EXOG: variants seen among roughly 807,000 people sequenced by gnomAD.
EXOG encodes nuclease EXOG, mitochondrial.
A neutral mutation model predicts 25.8 loss-of-function variants in EXOG; 27 were observed. That is an observed-to-expected ratio of 1.05 (90% CI 0.77 to 1.45). The LOEUF is 1.45. EXOG is among the 40% of genes most tolerant of loss of function. The pLI, the probability that EXOG is intolerant of heterozygous loss-of-function variation, is 0.00. For missense variants in EXOG, 458 were observed against 450.5 expected (o/e 1.02, Z -0.15); for synonymous variants, 133 against 167.0 (o/e 0.80, Z 1.57).
chr3:38,500,491 A>T (rs1229713996), intron 2 of EXOG, among the ~76,000 whole-genome samples: 4 of 152,216 alleles, frequency 2.6e-5, no homozygotes, highest in Non-Finnish European at 4.4e-5. Flanking sequence ...TGATTCTAAA[A>T]AGCTACATAT....
At chr3:38,505,447 A>G (rs1022369595) in intron 4 of EXOG, 1 of 152,110 alleles carries the variant, frequency 6.6e-6, no homozygotes, top group African/African-American at 2.4e-5. Context: ...GGACATATAT[A>G]TACACCCTAT....
In EXOG at chr3:38,524,068, C is replaced by T; in HGVS notation, c.813C>T (p.Asp271=). ...CTGAATTCCAAGTGAGCCTCCAGGACCTAGAGAAGTTGTCAGGACTGGTGT... is the reference window on the plus strand; with the variant it reads ...CTGAATTCCAAGTGAGCCTCCAGGATCTAGAGAAGTTGTCAGGACTGGTGT... The part of the protein sequence containing the change: ...QLTEFQVSLQ[D]LEKLSGLVFF... Residue 271 remains aspartate, a synonymous_variant, in exon 6 of 6, where the codon GAC becomes GAT. Coordinates refer to ENST00000287675, the MANE Select transcript of EXOG (RefSeq NM_005107.4). 6.2e-7 allele frequency: 1 copy of T among 1,614,122 alleles called. No individual in the cohort carries two copies. Among genetic ancestry groups the T allele is most frequent in the Non-Finnish European group, 8.5e-7 (1 of 1,180,018 alleles).
At chr3:38,511,159 C>T (rs1316640585) in intron 5 of EXOG, among the ~76,000 whole-genome samples, 1 of 152,218 alleles carries the variant, frequency 6.6e-6, no homozygotes, top group Admixed American at 6.5e-5. Context: ...CTGTATTTCA[C>T]ATCCTGGCAG....
At chr3:38,511,675 G>C (rs1441663614) in intron 5 of EXOG, among the ~76,000 whole-genome samples, 1 of 152,200 alleles carries the variant, frequency 6.6e-6, no homozygotes, top group Non-Finnish European at 1.5e-5. Flanking sequence ...GCAATAGTAG[G>C]AAAGGCAGGG....
intron 5 of EXOG, among the ~76,000 whole-genome samples, chr3:38,513,478 A>G (rs997839810): frequency 3.3e-5 from 5 of 152,254 alleles, no homozygotes; most frequent in African/African-American, 7.2e-5. Context: ...CACTTGAGAG[A>G]GAAATATTAC....
Position 38,525,025 on chromosome 3 carries a change from C to CT in EXOG, c.*669dup. On this transcript the variant is annotated 3_prime_UTR_variant, in exon 6 of 6. Transcript: ENST00000287675. ...GTCCACATGCACTATATATTTGTTT[C>CT]TTTTTTCTCCTCTCATGAATCTGCT... The CT allele has an allele frequency of 3.0e-6, 3 of 985,372 alleles. No individual in the cohort carries two copies. Among genetic ancestry groups the CT allele is most frequent in the Non-Finnish European group, 3.6e-6 (3 of 829,900 alleles). 61.0% of individuals were successfully genotyped at this position (985,372 alleles called of 1,614,324 possible).
intron 5 of EXOG, among the ~76,000 whole-genome samples, chr3:38,508,730 A>C (rs963118487): frequency 1.9e-4 from 28 of 145,840 alleles, no homozygotes; most frequent in Admixed American, 2.7e-4. Flanking sequence ...CCAAAAAAAA[A>C]CCAAAACTTT....
intron 5 of EXOG, among the ~76,000 whole-genome samples, chr3:38,517,582 T>G (rs1380852906): frequency 1.3e-5 from 2 of 152,258 alleles, no homozygotes; most frequent in Admixed American, 1.3e-4. Context: ...TCACCACATT[T>G]ATTTTTAGCC....
intron 5 of EXOG, among the ~76,000 whole-genome samples, chr3:38,517,329 A>G (rs2060576421): frequency 1.3e-5 from 2 of 152,230 alleles, no homozygotes; most frequent in Non-Finnish European, 2.9e-5. Context: ...AAATTGCCCC[A>G]GATTTAGCCA....
At chr3:38,497,130 A>T (rs1170686386) in intron 1 of EXOG, 12 of 1,002,296 alleles carry the variant, frequency 1.2e-5, no homozygotes, top group Non-Finnish European at 1.3e-5. Context: ...CGGATGTGCT[A>T]ATTTAACTTG....
At position 38,496,539 on chromosome 3, in the gene EXOG, G is replaced by C. The variant is rs1227915777; in HGVS notation, c.163+9G>C. ...AGGGAAGCAGCCGGATGGTAAGTCT[G>C]TGGGCCCGTCCTCCCTTCGCTGGCC... is the stretch of plus-strand genomic sequence containing the variant. On this transcript the variant is annotated intron_variant, in intron 1 of 5. Transcript: ENST00000287675. 1 of 1,607,112 alleles carries C rather than the reference G, an allele frequency of 6.2e-7. No homozygotes were observed. The highest frequency in any genetic ancestry group is 2.2e-5 in the East Asian group (1 of 44,840).
At chr3:38,503,939 G>T (rs1033940782) in intron 4 of EXOG, among the ~76,000 whole-genome samples, 6 of 152,156 alleles carry the variant, frequency 3.9e-5, no homozygotes, top group African/African-American at 1.2e-4. Context: ...AGTTTTGAAA[G>T]AAATGACTCA....
chr3:38,524,291 C>A lies in EXOG; in HGVS notation c.1036C>A (p.Arg346Ser). The A allele has an allele frequency of 6.2e-7, 1 of 1,613,928 alleles. No individual in the cohort carries two copies. Among genetic ancestry groups the A allele is most frequent in the South Asian group, 1.1e-5 (1 of 91,010 alleles). Residue 346 changes from arginine (R) to serine (S), a missense_variant, in exon 6 of 6, where the codon CGC becomes AGC. By Grantham distance (110) the Arg-to-Ser change is moderately radical (BLOSUM62 -1). Around this residue, in one of 3 missense-constraint regions of EXOG, gnomAD observed 178 missense variants for 203.7 expected, o/e 0.87. Transcript: ENST00000287675. ...TGAACCAGATGATTACTTTATGAGT[C>A]GCTATGAGAAGAAGCTAGAAGAACT... ...EIEPDDYFMS[R>S]YEKKLEELKA...
chr3:38,509,659 AG>A (rs2125775047), intron 5 of EXOG, among the ~76,000 whole-genome samples: 1 of 152,356 alleles, frequency 6.6e-6, no homozygotes, highest in Admixed American at 6.5e-5. Context: ...AAGCCAAGGA[AG>A]TGCTCAGACA....
chr3:38,497,778 G>T lies in EXOG; in HGVS notation c.313G>T (p.Gly105Cys). ...LEHISKSKIMGDADRKHCKFK... is the reference protein window; with the variant it reads ...LEHISKSKIMCDADRKHCKFK... ...ACATATTTCCAAAAGCAAGATAATG[G>T]GTAGGTGGTTGGATAAAAAAACTGA... Residue 105 changes from glycine to cysteine, a missense_variant and splice_region_variant, in exon 2 of 6, where the codon GGT (glycine) becomes TGT (cysteine). This residue lies in a region of EXOG where 275 missense variants were observed against 230.5 expected (regional missense o/e 1.19). Transcript: ENST00000287675. 6.3e-7 allele frequency: 1 copy of T among 1,590,212 alleles called. No homozygotes were observed. Among genetic ancestry groups the T allele is most frequent in the East Asian group, 2.2e-5 (1 of 44,468 alleles).
chr3:38,496,447 G>T lies in EXOG; in HGVS notation c.80G>T (p.Gly27Val). ...LSGFVAGAVV[G>V]AAGAGLAALQ... ...GGCTTCGTGGCTGGGGCTGTAGTGG[G>T]CGCTGCGGGAGCTGGGCTCGCGGCC... The change falls in exon 1 of 6, where the codon GGC becomes GTC. Residue 27 changes from glycine to valine, a missense_variant. Physicochemically the swap from Gly to Val is moderately radical, Grantham distance 109. Around this residue, in one of 3 missense-constraint regions of EXOG, gnomAD observed 275 missense variants for 230.5 expected, o/e 1.19. Coordinates refer to ENST00000287675, the MANE Select transcript of EXOG (RefSeq NM_005107.4). 6.2e-7 allele frequency: 1 copy of T among 1,614,142 alleles called. No individual in the cohort carries two copies. The highest frequency in any genetic ancestry group is 8.5e-7 in the Non-Finnish European group (1 of 1,180,024).
chr3:38,524,593 C>A lies in EXOG; in HGVS notation c.*231C>A. ...GCCTCTGCCCCCTGAGCAGCTGGGA[C>A]TACAGGCACACACCATCACCCTCAG... On this transcript the variant is annotated 3_prime_UTR_variant, in exon 6 of 6. Coordinates refer to ENST00000287675, the MANE Select transcript of EXOG (RefSeq NM_005107.4). 1.6e-6 allele frequency: 2 copies of A among 1,238,250 alleles called. No homozygotes were observed. Among genetic ancestry groups the A allele is most frequent in the South Asian group, 5.2e-5 (2 of 38,382 alleles). 76.7% of individuals were successfully genotyped at this position (1,238,250 alleles called of 1,614,324 possible). A position where few individuals can be genotyped will look rare whatever the true frequency, so the allele number is the denominator to read the frequency against.
intron 3 of EXOG, 84 bp from the exon 4 acceptor site, chr3:38,503,531 A>C: frequency 1.3e-6 from 1 of 747,990 alleles, no homozygotes; most frequent in South Asian, 1.7e-5. Flanking sequence ...TAAATAAGAA[A>C]GTGTTTTTCT....
chr3:38,515,349 A>G (rs532568261), intron 5 of EXOG: 1 of 153,064 alleles, frequency 6.5e-6, no homozygotes, highest in South Asian at 2.1e-4. Flanking sequence ...CTCATGAGGA[A>G]TTACCCAAAG....
Sources: gnomAD v4.1 joint callset for allele counts (sites outside exome capture counted in the v4.1 genomes callset) on GRCh38, gnomAD v4.1.1 for gene constraint, gnomAD v4.1.1 regional missense constraint, MANE v1.5 for transcripts, NCBI Gene and HGNC (gene_info 2026-07-23, HGNC 2026-07-21) for gene names.